SLC45A4: variants seen among roughly 807,000 people sequenced by gnomAD.
SLC45A4 encodes the protein polyamine-transporter SLC45A4.
Under a neutral mutation model 63.7 loss-of-function variants are expected in SLC45A4, and 32 were observed. That is an observed-to-expected ratio of 0.50 (90% confidence interval 0.38 to 0.67). SLC45A4 has a LOEUF of 0.67. Ranked by LOEUF, SLC45A4 falls within the 30% of genes least tolerant of loss-of-function variation. The probability of loss-of-function intolerance (pLI) is 0.00; values close to 1 mark genes in which losing one functional copy is unlikely to be tolerated. For missense variants in SLC45A4, 1,027 were observed against 1,157.7 expected (o/e 0.89, Z 1.64); for synonymous variants, 535 against 510.0 (o/e 1.05, Z -0.66).
At chr8:141,216,131 G>A (rs946306463) in intron 6 of SLC45A4, among the ~76,000 whole-genome samples, 161 bp from the exon 7 acceptor site, 1 of 151,972 alleles carries the variant, frequency 6.6e-6, no homozygotes, top group Admixed American at 6.5e-5. Context: ...CAGGCCTCCG[G>A]CACGTATTTG....
intron 2 of SLC45A4, among the ~76,000 whole-genome samples, chr8:141,246,243 G>C (rs1322367546): frequency 6.6e-6 from 1 of 152,174 alleles, no homozygotes; most frequent in Non-Finnish European, 1.5e-5. Context: ...AGAATATTCT[G>C]AGCACGTGTA....
intron 1 of SLC45A4, among the ~76,000 whole-genome samples, chr8:141,284,446 G>T (rs548732997): frequency 6.6e-6 from 1 of 152,240 alleles, no homozygotes; most frequent in Non-Finnish European, 1.5e-5. Context: ...GAAAGTTGGC[G>T]GGGCTGGCGA....
intron 1 of SLC45A4, among the ~76,000 whole-genome samples, chr8:141,288,765 C>T (rs1377653889): frequency 3.9e-5 from 6 of 152,214 alleles, no homozygotes; most frequent in South Asian, 4.1e-4. Context: ...CGGAGGGTGC[C>T]GGCCCTGGCT....
intron 2 of SLC45A4, among the ~76,000 whole-genome samples, chr8:141,245,011 A>G (rs1828114294): frequency 6.8e-6 from 1 of 147,992 alleles, no homozygotes; most frequent in Non-Finnish European, 1.5e-5. Flanking sequence ...GGTGCAATGA[A>G]TGAGGTGCAA....
chr8:141,271,769 C>T (rs1470807526), intron 1 of SLC45A4, among the ~76,000 whole-genome samples: 1 of 152,254 alleles, frequency 6.6e-6, no homozygotes, highest in Non-Finnish European at 1.5e-5. Flanking sequence ...ACCAACACAG[C>T]ACAGGACAGG....
intron 7 of SLC45A4, among the ~76,000 whole-genome samples, chr8:141,214,299 C>T (rs1483998302): frequency 6.6e-6 from 1 of 151,862 alleles, no homozygotes; most frequent in Non-Finnish European, 1.5e-5. Context: ...TTGGAGGTTC[C>T]AGCCATTCCA....
At chr8:141,236,878 A>G (rs945328951) in intron 2 of SLC45A4, among the ~76,000 whole-genome samples, 3 of 152,122 alleles carry the variant, frequency 2.0e-5, no homozygotes, top group African/African-American at 7.2e-5. Flanking sequence ...GGCTGGCCAG[A>G]GGGTAGCACT....
chr8:141,290,712 G>A (rs928688500), intron 1 of SLC45A4, among the ~76,000 whole-genome samples: 29 of 152,354 alleles, frequency 1.9e-4, no homozygotes, highest in African/African-American at 6.0e-4. Flanking sequence ...GGTCAAGCAC[G>A]TTGTCCTTGG....
chr8:141,209,863 A>G lies in SLC45A4; in HGVS notation c.*1709T>C, dbSNP rs1209944862. 6.6e-6 allele frequency: 1 copy of G among 152,278 alleles called. No individual in the cohort carries two copies. The highest frequency in any genetic ancestry group is 2.4e-5 in the African/African-American group (1 of 41,456). 9.4% of individuals were successfully genotyped at this position (152,278 alleles called of 1,614,324 possible). A position where few individuals can be genotyped will look rare whatever the true frequency, so the allele number is the denominator to read the frequency against. On this transcript the variant is annotated 3_prime_UTR_variant, in exon 9 of 9. Transcript: ENST00000517878. ...AAGCCCCTCTTCCTCCTAAAAATCAAGTCGCAGCCAGGCCCTGAGACTTCT... is the reference window on the plus strand; with the variant it reads ...AAGCCCCTCTTCCTCCTAAAAATCAGGTCGCAGCCAGGCCCTGAGACTTCT...
chr8:141,211,855 T>C (rs1825837009), intron 8 of SLC45A4, 158 bp from the exon 9 acceptor site: 2 of 1,288,426 alleles, frequency 1.6e-6, no homozygotes, highest in Non-Finnish European at 2.0e-6. Context: ...TTATTGTCTA[T>C]ATAAATGTTT....
At chr8:141,235,539 C>T (rs1265790327) in intron 2 of SLC45A4, among the ~76,000 whole-genome samples, 2 of 152,122 alleles carry the variant, frequency 1.3e-5, no homozygotes, top group African/African-American at 2.4e-5. Context: ...GTGAATTATC[C>T]GAAGAAAGCA....
At position 141,209,211 on chromosome 8, in the gene SLC45A4, G is replaced by C. The variant is rs558476541; in HGVS notation, c.*2361C>G. The stretch of plus-strand genomic sequence containing the variant: ...TTACTGCATCCGTCTGAGGTACAAG[G>C]TTAGAAGCCACAGACACCCGAGCTG... On this transcript the variant is annotated 3_prime_UTR_variant, in exon 9 of 9. Coordinates refer to ENST00000517878, the MANE Select transcript of SLC45A4 (RefSeq NM_001286646.2). 1 of 152,348 alleles carries C rather than the reference G, an allele frequency of 6.6e-6. No individual in the cohort carries two copies. The highest frequency in any genetic ancestry group is 1.5e-5 in the Non-Finnish European group (1 of 68,132). 9.4% of individuals were successfully genotyped at this position (152,348 alleles called of 1,614,324 possible).
At chr8:141,290,175 C>T (rs1830296182) in intron 1 of SLC45A4, among the ~76,000 whole-genome samples, 1 of 152,150 alleles carries the variant, frequency 6.6e-6, no homozygotes, top group South Asian at 2.1e-4. Context: ...CTACGGTCAT[C>T]TAACACTGCA....
At chr8:141,230,371 G>A (rs1827278751) in intron 2 of SLC45A4, 3 of 341,148 alleles carry the variant, frequency 8.8e-6, no homozygotes, top group South Asian at 4.5e-5. Flanking sequence ...AGAGGGAAGC[G>A]GCCGCAAAGA....
intron 2 of SLC45A4, among the ~76,000 whole-genome samples, chr8:141,240,231 TGCTCAC>T (rs1827844777): frequency 6.6e-6 from 1 of 152,246 alleles, no homozygotes; most frequent in Admixed American, 6.5e-5. Context: ...GATGTTCTAT[TGCTCAC>T]GATCTTCGTC....
At position 141,218,488 on chromosome 8, in the gene SLC45A4, T is replaced by G. The variant is rs951733665; in HGVS notation, c.1152A>C (p.Pro384=). The G allele has an allele frequency of 5.0e-6, 8 of 1,613,390 alleles. No individual in the cohort carries two copies. Among genetic ancestry groups the G allele is most frequent in the Non-Finnish European group, 6.8e-6 (8 of 1,179,950 alleles). The change falls in exon 5 of 9, where the codon CCA becomes CCC. Residue 384 remains proline (P), a synonymous_variant. Transcript: ENST00000517878. ...CTTTTGTGGGGGAGCCACTTCCGTT[T>G]GGGACTTTAGCTTCATTCAAGTGAT... ...LDNHLNEAKV[P]NGSGSPTKDA...
intron 1 of SLC45A4, among the ~76,000 whole-genome samples, chr8:141,283,202 A>G (rs1830016970): frequency 6.6e-6 from 1 of 152,236 alleles, no homozygotes; most frequent in African/African-American, 2.4e-5. Flanking sequence ...GATGCTAGAT[A>G]CGGAACCTCT....
chr8:141,295,803 T>C (rs1482786845), intron 1 of SLC45A4, among the ~76,000 whole-genome samples: 4 of 152,222 alleles, frequency 2.6e-5, no homozygotes, highest in Non-Finnish European at 2.9e-5. Context: ...TTCTCAAGGC[T>C]GAAGGCCTTG....
In SLC45A4 at chr8:141,307,531, G is replaced by GGAAGGGGAA. The variant is rs111478914; in HGVS notation, c.-401+556_-401+564dup. 2.6e-4 allele frequency among the ~76,000 whole-genome samples: 39 copies of GGAAGGGGAA among 151,578 alleles called. 1 individual carries two copies. Among genetic ancestry groups the GGAAGGGGAA allele is most frequent in the Admixed American group, 5.9e-4 (9 of 15,266 alleles). ...GGCAGAGGGAAAGGAGGGGAAGAAG[G>GGAAGGGGAA]GAAGGGGAAGAAGGGGAAGAAGGGA... On this transcript the variant is annotated intron_variant, in intron 1 of 8. Transcript: ENST00000517878.
Sources: gnomAD v4.1 joint callset for allele counts (sites outside exome capture counted in the v4.1 genomes callset) on GRCh38, gnomAD v4.1.1 for gene constraint, MANE v1.5 for transcripts, NCBI Gene and HGNC (gene_info 2026-07-23, HGNC 2026-07-21) for gene names.